ZNF700: variants seen among roughly 807,000 people sequenced by gnomAD.
ZNF700 encodes zinc finger protein 700.
Under a neutral mutation model 65.3 loss-of-function variants are expected in ZNF700, and 38 were observed. That is an observed-to-expected ratio of 0.58 (90% CI 0.45 to 0.76). ZNF700 has a LOEUF of 0.76. Ranked by LOEUF, ZNF700 falls within the 30% of genes least tolerant of loss-of-function variation. The pLI, the probability that ZNF700 is intolerant of heterozygous loss-of-function variation, is 0.00. For synonymous variants in ZNF700, 285 were observed against 290.4 expected (o/e 0.98, Z 0.19); for missense variants, 857 against 888.4 (o/e 0.96, Z 0.45).
rs1369690764 is a variant in ZNF700 at position 11,947,198 on chromosome 19, G to A, written c.81G>A (p.Glu27=). 2 of 1,613,772 alleles carry A rather than the reference G, an allele frequency of 1.2e-6. No homozygotes were observed. Among genetic ancestry groups the A allele is most frequent in the Non-Finnish European group, 1.7e-6 (2 of 1,179,982 alleles). ...TGTTTCAGGACCCAGTGGCCTTTGA[G>A]GATGTGGCTGTGAACTTCACCCAGG... ...ESREMDPVAF[E]DVAVNFTQEE... is the part of the protein sequence containing the mutation. Residue 27 remains glutamate, a synonymous_variant, in exon 2 of 4, where the codon GAG becomes GAA. Transcript: ENST00000254321.
rs775868311 is a variant in ZNF700 at position 11,947,230 on chromosome 19, G to A, written c.113G>A (p.Trp38Ter). The A allele has an allele frequency of 5.0e-6, 8 of 1,613,886 alleles. No homozygotes were observed. The highest frequency in any genetic ancestry group is 3.3e-5 in the South Asian group (3 of 91,072). Reference protein sequence around the residue: ...DVAVNFTQEEWTLLDISQKNL... With the variant: ...DVAVNFTQEE ...GCTGTGAACTTCACCCAGGAAGAGTGGACATTGCTGGATATTTCCCAGAAG... is the reference window on the plus strand; with the variant it reads ...GCTGTGAACTTCACCCAGGAAGAGTAGACATTGCTGGATATTTCCCAGAAG... The change falls in exon 2 of 4, where the codon TGG becomes TAG. Residue 38 changes from tryptophan to a stop codon, truncating the protein, a stop_gained. Coordinates refer to ENST00000254321, the MANE Select transcript of ZNF700 (RefSeq NM_144566.3). LOFTEE classifies it high-confidence loss of function.
At position 11,950,420 on chromosome 19, in the gene ZNF700, C is replaced by A; in HGVS notation, c.*167C>A. 1.3e-6 allele frequency: 1 copy of A among 771,226 alleles called. No individual in the cohort carries two copies. The highest frequency in any genetic ancestry group is 2.2e-5 in the Admixed American group (1 of 44,656). 47.8% of individuals were successfully genotyped at this position (771,226 alleles called of 1,614,324 possible). A position where few individuals can be genotyped will look rare whatever the true frequency, so the allele number is the denominator to read the frequency against. On this transcript the variant is annotated 3_prime_UTR_variant, in exon 4 of 4. Transcript: ENST00000254321. ...AAGCAGTGTGGGAAAGCCTTCATTC[C>A]TTTTACTTCTTTTCAATGTCATGAA...
intron 1 of ZNF700, among the ~76,000 whole-genome samples, chr19:11,946,521 T>TG (rs1456115474): frequency 6.6e-6 from 1 of 152,116 alleles, no homozygotes; most frequent in Non-Finnish European, 1.5e-5. Flanking sequence ...TCAACCACTG[T>TG]GGGGGGTCTA....
intron 1 of ZNF700, among the ~76,000 whole-genome samples, chr19:11,944,005 C>T (rs1972922905): frequency 6.6e-6 from 1 of 152,104 alleles, no homozygotes; most frequent in Non-Finnish European, 1.5e-5. Context: ...GGGATTCCCT[C>T]TACCTTCACG....
In ZNF700 at chr19:11,944,361, TTTC is replaced by T. The variant is rs1306850860; in HGVS notation, c.64-2817_64-2815del. Among the ~76,000 whole-genome samples, 8 of 152,150 alleles carry T rather than the reference TTTC, an allele frequency of 5.3e-5. 1 individual carries two copies. The highest frequency in any genetic ancestry group is 1.2e-4 in the Non-Finnish European group (8 of 68,036). On this transcript the variant is annotated intron_variant, in intron 1 of 3. Transcript: ENST00000254321. ...AGAGCTTGTACACACTTTAATCCTGTTTCTTGACACACTTTCCCTAAACTATTT... is the reference window on the plus strand; with the variant it reads ...AGAGCTTGTACACACTTTAATCCTGTTTGACACACTTTCCCTAAACTATTT...
chr19:11,949,318 C>G lies in ZNF700; in HGVS notation c.1294C>G (p.Gln432Glu), dbSNP rs1410049829. ...TGGGAAAGCCTTCAGATCTGCCTCA[C>G]AGCTTCGAGTGCACGGTGGGACTCA... ...QCGKAFRSAS[Q>E]LRVHGGTHTG... is the part of the protein sequence containing the mutation. Residue 432 changes from glutamine (Q) to glutamate (E), a missense_variant, in exon 4 of 4, where the codon CAG becomes GAG. By Grantham distance (29) the Gln-to-Glu change is conservative. Coordinates refer to ENST00000254321, the MANE Select transcript of ZNF700 (RefSeq NM_144566.3). 1.2e-6 allele frequency: 2 copies of G among 1,611,962 alleles called. No homozygotes were observed. The highest frequency in any genetic ancestry group is 1.7e-6 in the Non-Finnish European group (2 of 1,179,342).
chr19:11,936,076 A>G (rs988364430), intron 1 of ZNF700, among the ~76,000 whole-genome samples: 1 of 152,152 alleles, frequency 6.6e-6, no homozygotes, highest in Non-Finnish European at 1.5e-5. Context: ...CATGGTGTAT[A>G]TATGCCACAT....
rs939690048 is a variant in ZNF700 at position 11,925,158 on chromosome 19, C to T, written c.-53C>T. The T allele has an allele frequency of 5.2e-5, 84 of 1,603,998 alleles. No homozygotes were observed. Among genetic ancestry groups the T allele is most frequent in the Non-Finnish European group, 3.3e-5 (39 of 1,173,238 alleles). ...CGGTTGGTAACCGGTCAGACCAGCC[C>T]GAGAGGGACCTGGTGCCTGTACCCA... is the stretch of plus-strand genomic sequence containing the variant. On this transcript the variant is annotated 5_prime_UTR_variant, in exon 1 of 4. Coordinates refer to ENST00000254321, the MANE Select transcript of ZNF700 (RefSeq NM_144566.3).
At chr19:11,937,678 C>T (rs530019015) in intron 1 of ZNF700, among the ~76,000 whole-genome samples, 7 of 151,580 alleles carry the variant, frequency 4.6e-5, no homozygotes, top group African/African-American at 7.3e-5. Flanking sequence ...TTAGTAGAGA[C>T]GGGGTTTCAC....
Position 11,948,813 on chromosome 19 carries a change from T to C in ZNF700, c.789T>C (p.Ala263=). Residue 263 remains alanine (A), a synonymous_variant, in exon 4 of 4, where the codon GCT becomes GCC. Coordinates refer to ENST00000254321, the MANE Select transcript of ZNF700 (RefSeq NM_144566.3). ...KQCGKSFTYS[A]TLQIHERTHT... ...GTGGTAAATCCTTTACTTATTCTGCTACCCTTCAAATACATGAAAGAACTC... is the reference window on the plus strand; with the variant it reads ...GTGGTAAATCCTTTACTTATTCTGCCACCCTTCAAATACATGAAAGAACTC... 3.1e-6 allele frequency: 5 copies of C among 1,609,028 alleles called. No individual in the cohort carries two copies. The highest frequency in any genetic ancestry group is 4.2e-6 in the Non-Finnish European group (5 of 1,178,640).
At chr19:11,934,553 T>A (rs1972761163) in intron 1 of ZNF700, among the ~76,000 whole-genome samples, 1 of 147,914 alleles carries the variant, frequency 6.8e-6, no homozygotes, top group Non-Finnish European at 1.5e-5. Flanking sequence ...GGAGATGCAG[T>A]TTCGCTTTTG....
rs571642762 is a variant in ZNF700 at position 11,929,733 on chromosome 19, G to A, written c.63+4460G>A. On this transcript the variant is annotated intron_variant, in intron 1 of 3. Transcript: ENST00000254321. The stretch of plus-strand genomic sequence containing the variant: ...ATATTTTCCAAATATATGGGATGCC[G>A]GATCTCAAATCCTCCACCCTCATAC... Among the ~76,000 whole-genome samples the A allele has an allele frequency of 5.9e-4, 87 of 147,802 alleles. 16 individuals are homozygous for A. The highest frequency in any genetic ancestry group is 2.2e-3 in the African/African-American group (83 of 37,652).
intron 1 of ZNF700, among the ~76,000 whole-genome samples, chr19:11,934,340 G>C (rs576649757): frequency 4.1e-5 from 6 of 147,782 alleles, no homozygotes; most frequent in Non-Finnish European, 7.4e-5. Flanking sequence ...GTAGGACCAT[G>C]CTTATTTTCT....
At chr19:11,925,973 A>C (rs1489340995) in intron 1 of ZNF700, among the ~76,000 whole-genome samples, 2 of 152,174 alleles carry the variant, frequency 1.3e-5, no homozygotes, top group African/African-American at 4.8e-5. Context: ...CATTGGCAGA[A>C]AGGGTGGGAC....
Position 11,928,241 on chromosome 19 carries a change from C to T in ZNF700, c.63+2968C>T, listed in dbSNP as rs550839740. 1.1e-4 allele frequency among the ~76,000 whole-genome samples: 17 copies of T among 152,294 alleles called. No individual in the cohort carries two copies. In the South Asian group the frequency reaches 3.5e-3, roughly 32 times the overall value. ...CCTCAAACAGTCCTGCTTCCTTGGC[C>T]TCCAAAAGTGCTGGGATTACAGATA... On this transcript the variant is annotated intron_variant, in intron 1 of 3. Transcript: ENST00000254321.
chr19:11,925,224 G>C lies in ZNF700; in HGVS notation c.14G>C (p.Ser5Thr), dbSNP rs1172206344. The C allele has an allele frequency of 1.2e-6, 2 of 1,612,952 alleles. No homozygotes were observed. Among genetic ancestry groups the C allele is most frequent in the African/African-American group, 2.7e-5 (2 of 74,894 alleles). Reference sequence around the variant, plus strand: ...GTCGCCTGCGCTATGCCCTGCTGTAGTCACAGGAGCTGTAGAGAGGACCCC... The same window carrying C: ...GTCGCCTGCGCTATGCCCTGCTGTACTCACAGGAGCTGTAGAGAGGACCCC... The part of the protein sequence containing the change: MPCC[S>T]HRSCREDPGT... Residue 5 changes from serine to threonine, a missense_variant, in exon 1 of 4, where the codon AGT (serine) becomes ACT (threonine). Ser to Thr is a moderately conservative substitution (Grantham distance 58). This residue lies in a region of ZNF700 where 603 missense variants were observed against 619.9 expected (regional missense o/e 0.97). Transcript: ENST00000254321.
At chr19:11,926,262 A>ATCTATTTTTC (rs1972625874) in intron 1 of ZNF700, among the ~76,000 whole-genome samples, 5 of 152,250 alleles carry the variant, frequency 3.3e-5, no homozygotes, top group African/African-American at 1.2e-4. Context: ...ATCTATTTTT[A>ATCTATTTTTC]CATGAATGTG....
rs1439629097 is a variant in ZNF700, at chr19:11,949,950, C to A, written c.1926C>A (p.His642Gln). 6 of 1,614,120 alleles carry A rather than the reference C, an allele frequency of 3.7e-6. No homozygotes were observed. The East Asian group carries it at 1.1e-4, about 30-fold the overall frequency. Reference sequence around the variant, plus strand: ...ACCTTCAGATGCATGAAAGGACTCACACTGGAGAGAAACCCTATGAATGTA... The same window carrying A: ...ACCTTCAGATGCATGAAAGGACTCAAACTGGAGAGAAACCCTATGAATGTA... Reference protein sequence around the residue: ...ASNLQMHERTHTGEKPYECKE... With the variant: ...ASNLQMHERTQTGEKPYECKE... The change falls in exon 4 of 4, where the codon CAC becomes CAA. Residue 642 changes from histidine to glutamine, a missense_variant. Around this residue, in one of 3 missense-constraint regions of ZNF700, gnomAD observed 251 missense variants for 250.3 expected, o/e 1.00. Coordinates refer to ENST00000254321, the MANE Select transcript of ZNF700 (RefSeq NM_144566.3).
chr19:11,941,979 T>C (rs1489018102), intron 1 of ZNF700, among the ~76,000 whole-genome samples: 2 of 156 alleles, frequency 0.013, no homozygotes, highest in Admixed American at 0.062. Flanking sequence ...CTGTGCTTAT[T>C]ACACCTGGTA....
Sources: allele counts gnomAD v4.1 joint callset (sites outside exome capture counted in the v4.1 genomes callset), GRCh38; gene constraint gnomAD v4.1.1; regional missense constraint gnomAD v4.1.1; transcripts MANE v1.5; gene names NCBI Gene and HGNC (gene_info 2026-07-23, HGNC 2026-07-21).